NTNG1: variants seen among roughly 807,000 people sequenced by gnomAD.
The protein encoded by NTNG1 is netrin G1.
A neutral mutation model predicts 54.0 loss-of-function variants in NTNG1; 16 were observed. The observed-to-expected ratio is 0.30, with a 90% CI of 0.20 to 0.45. The LOEUF is 0.45. NTNG1 is among the 20% of genes least tolerant of loss of function. The pLI, the probability that NTNG1 is intolerant of heterozygous loss-of-function variation, is 1.00. For synonymous variants in NTNG1, 255 were observed against 263.1 expected, an observed-to-expected ratio of 0.97 and a Z score of 0.30; for missense variants, 530 against 678.7, an observed-to-expected ratio of 0.78 and a Z score of 2.43.
intron 2 of NTNG1, among the ~76,000 whole-genome samples, chr1:107,256,324 G>T (rs2101634797): frequency 6.6e-6 from 1 of 152,228 alleles, no homozygotes; most frequent in East Asian, 1.9e-4. Flanking sequence ...GTGTTTTCTG[G>T]AGCTATGAAC....
chr1:107,190,393 T>A (rs1657810881), intron 2 of NTNG1, among the ~76,000 whole-genome samples: 1 of 152,130 alleles, frequency 6.6e-6, no homozygotes, highest in Non-Finnish European at 1.5e-5. Flanking sequence ...AGCCAAGAGT[T>A]CTTGAGCATC....
chr1:107,323,518 T>G (rs942302214), intron 2 of NTNG1, among the ~76,000 whole-genome samples: 3 of 152,150 alleles, frequency 2.0e-5, no homozygotes, highest in African/African-American at 7.2e-5. Context: ...ACACATCAAG[T>G]GGCTGTGGTT....
intron 3 of NTNG1, among the ~76,000 whole-genome samples, chr1:107,353,426 A>G (rs1669748743): frequency 6.6e-6 from 1 of 152,214 alleles, no homozygotes; most frequent in Non-Finnish European, 1.5e-5. Context: ...GCTAACACAT[A>G]ACAAAGGTGA....
At chr1:107,334,785 A>G (rs1668485227) in intron 3 of NTNG1, among the ~76,000 whole-genome samples, 1 of 152,010 alleles carries the variant, frequency 6.6e-6, no homozygotes, top group Non-Finnish European at 1.5e-5. Context: ...GGCCTGGCGC[A>G]TATTAAAAGT....
intron 2 of NTNG1, among the ~76,000 whole-genome samples, chr1:107,200,835 CTG>C (rs1314809262): frequency 2.0e-5 from 3 of 151,762 alleles, no homozygotes; most frequent in Non-Finnish European, 4.4e-5. Context: ...TGTGTTAGCA[CTG>C]CATAGATAAA....
At chr1:107,279,422 C>T (rs1664684552) in intron 2 of NTNG1, among the ~76,000 whole-genome samples, 1 of 152,160 alleles carries the variant, frequency 6.6e-6, no homozygotes, top group African/African-American at 2.4e-5. Context: ...TATTTAACAA[C>T]TAGCGTGACA....
intron 2 of NTNG1, among the ~76,000 whole-genome samples, chr1:107,163,078 G>A (rs1655528438): frequency 6.6e-6 from 1 of 152,124 alleles, no homozygotes. Context: ...AGGGGGAATT[G>A]GAGGATCTTT....
At chr1:107,290,963 T>TATATATA (rs199789100) in intron 2 of NTNG1, among the ~76,000 whole-genome samples, 1 of 142,530 alleles carries the variant, frequency 7.0e-6, no homozygotes, top group East Asian at 2.1e-4. Flanking sequence ...TATATATATA[T>TATATATA]TATATATATA....
At chr1:107,267,113 T>C (rs1663797201) in intron 2 of NTNG1, among the ~76,000 whole-genome samples, 1 of 152,236 alleles carries the variant, frequency 6.6e-6, no homozygotes, top group Non-Finnish European at 1.5e-5. Flanking sequence ...TCTTCAGTTG[T>C]GCATTGGGAG....
At chr1:107,287,796 A>AC (rs1665294413) in intron 2 of NTNG1, among the ~76,000 whole-genome samples, 1 of 152,144 alleles carries the variant, frequency 6.6e-6, no homozygotes, top group Non-Finnish European at 1.5e-5. Context: ...GAGCTCTATG[A>AC]CCTGTGGCAC....
At chr1:107,293,258 A>G (rs1295074713) in intron 2 of NTNG1, among the ~76,000 whole-genome samples, 1 of 152,226 alleles carries the variant, frequency 6.6e-6, no homozygotes, top group African/African-American at 2.4e-5. Flanking sequence ...AAAAGTATGA[A>G]GAAATTTTTA....
intron 7 of NTNG1, among the ~76,000 whole-genome samples, chr1:107,461,790 C>T (rs1677299094): frequency 6.6e-6 from 1 of 152,036 alleles, no homozygotes; most frequent in African/African-American, 2.4e-5. Context: ...CCTCAGCCTC[C>T]CAAAGTGCTG....
intron 6 of NTNG1, among the ~76,000 whole-genome samples, chr1:107,435,216 A>G (rs912369540): frequency 6.6e-6 from 1 of 152,152 alleles, no homozygotes; most frequent in Non-Finnish European, 1.5e-5. Flanking sequence ...GTACAAATTT[A>G]TAATGTGCCT....
At chr1:107,467,931 T>C (rs964851836) in intron 7 of NTNG1, among the ~76,000 whole-genome samples, 1 of 152,246 alleles carries the variant, frequency 6.6e-6, no homozygotes, top group Admixed American at 6.5e-5. Context: ...AATGTTGTTT[T>C]CCTCACCTTG....
In NTNG1 at chr1:107,432,309, A is replaced by T. The variant is rs116222434; in HGVS notation, c.1255+1392A>T. Among the ~76,000 whole-genome samples, 881 of 152,320 alleles carry T rather than the reference A, an allele frequency of 5.8e-3. 13 individuals carry two copies. Among genetic ancestry groups the T allele is most frequent in the African/African-American group, 0.02 (842 of 41,574 alleles). On this transcript the variant is annotated intron_variant, in intron 6 of 7. Transcript: ENST00000370068. ...TTAACAAAACAGTGGGGTAAGTATTACACTAATTGTTTCCCCTGTCTTGTC... is the reference window on the plus strand; with the variant it reads ...TTAACAAAACAGTGGGGTAAGTATTTCACTAATTGTTTCCCCTGTCTTGTC...
At chr1:107,425,870 A>AT (rs1175407743) in intron 5 of NTNG1, among the ~76,000 whole-genome samples, 2 of 152,118 alleles carry the variant, frequency 1.3e-5, no homozygotes, top group African/African-American at 2.4e-5. Context: ...AATTACAGTC[A>AT]TTTTGACTGG....
chr1:107,181,975 A>G (rs1657106856), intron 2 of NTNG1, among the ~76,000 whole-genome samples: 1 of 151,982 alleles, frequency 6.6e-6, no homozygotes, highest in Non-Finnish European at 1.5e-5. Context: ...TTTTTTTTAT[A>G]TTAATAATAA....
chr1:107,251,323 A>T (rs1228076146), intron 2 of NTNG1, among the ~76,000 whole-genome samples: 1 of 152,200 alleles, frequency 6.6e-6, no homozygotes, highest in Non-Finnish European at 1.5e-5. Flanking sequence ...ACTTTGTAGA[A>T]ACTCGTCTTA....
At chr1:107,254,106 A>G (rs187435706) in intron 2 of NTNG1, among the ~76,000 whole-genome samples, 23 of 152,336 alleles carry the variant, frequency 1.5e-4, no homozygotes, top group African/African-American at 4.6e-4. Context: ...CTCAAAGCCC[A>G]GGGGGCTTTG....
Sources: allele counts gnomAD v4.1 joint callset (sites outside exome capture counted in the v4.1 genomes callset), GRCh38; gene constraint gnomAD v4.1.1; transcripts MANE v1.5; gene names NCBI Gene and HGNC (gene_info 2026-07-23, HGNC 2026-07-21).